The following GALNT13 variants were observed in gnomAD, a reference collection of about 807,000 sequenced individuals.
The protein encoded by GALNT13 is polypeptide N-acetylgalactosaminyltransferase 13.
Under a neutral mutation model 64.2 loss-of-function variants are expected in GALNT13, and 28 were observed. That is an observed-to-expected ratio of 0.44 (90% CI 0.32 to 0.60). The LOEUF is 0.60. Ranked by LOEUF, GALNT13 falls within the 20% of genes least tolerant of loss-of-function variation. The pLI is 0.05. For missense variants in GALNT13, 577 were observed against 669.8 expected (o/e 0.86, Z 1.53); for synonymous variants, 214 against 224.6 (o/e 0.95, Z 0.42).
At chr2:154,025,848 G>C (rs1317155629) in intron 3 of GALNT13, among the ~76,000 whole-genome samples, 4 of 152,044 alleles carry the variant, frequency 2.6e-5, no homozygotes, top group Non-Finnish European at 5.9e-5. Flanking sequence ...TACTTCCTAG[G>C]GGGTAACTGG....
chr2:153,982,373 A>C (rs1304309298), intron 3 of GALNT13, among the ~76,000 whole-genome samples: 1 of 152,136 alleles, frequency 6.6e-6, no homozygotes, highest in Non-Finnish European at 1.5e-5. Context: ...TATAGAGGCT[A>C]TAAATGTATA....
the GALNT13 span, among the ~76,000 whole-genome samples, chr2:153,181,410 C>T: frequency 9.6e-3 from 1,443 of 150,918 alleles, 24 homozygotes; most frequent in African/African-American, 0.032. Context: ...TGTTAAGGCT[C>T]GGCTTGTGGC....
chr2:153,762,293 T>C, the GALNT13 span: 1 of 152,172 alleles, frequency 6.6e-6, no homozygotes, highest in Admixed American at 6.6e-5. Flanking sequence ...TGTTGTACCA[T>C]CACATACATT....
chr2:153,662,409 A>G, the GALNT13 span, among the ~76,000 whole-genome samples: 1 of 152,184 alleles, frequency 6.6e-6, no homozygotes, highest in Non-Finnish European at 1.5e-5. Flanking sequence ...CATTAATCCC[A>G]GTAATCTCCA....
At chr2:153,283,731 C>A in the GALNT13 span, among the ~76,000 whole-genome samples, 3 of 152,150 alleles carry the variant, frequency 2.0e-5, no homozygotes, top group Non-Finnish European at 2.9e-5. Flanking sequence ...TTACCACAGT[C>A]TCTGCATAGG....
chr2:153,074,935 G>A, the GALNT13 span, among the ~76,000 whole-genome samples: 13 of 152,048 alleles, frequency 8.5e-5, no homozygotes, highest in Non-Finnish European at 1.3e-4. Context: ...GTCTAATTTT[G>A]TTGCCCAGCC....
the GALNT13 span, among the ~76,000 whole-genome samples, chr2:153,501,657 C>CCCT: frequency 5.9e-5 from 9 of 152,200 alleles, no homozygotes; most frequent in East Asian, 1.9e-4. Flanking sequence ...CCCAAGGAGT[C>CCCT]CCTGGACATC....
At chr2:154,308,374 A>G (rs1032574807) in intron 9 of GALNT13, among the ~76,000 whole-genome samples, 10 of 152,072 alleles carry the variant, frequency 6.6e-5, no homozygotes, top group African/African-American at 2.4e-4. Flanking sequence ...GCCTATATTC[A>G]TTTCCATCTC....
the GALNT13 span, among the ~76,000 whole-genome samples, chr2:153,193,377 A>C: frequency 2.2e-4 from 33 of 147,850 alleles, no homozygotes; most frequent in South Asian, 6.9e-3. Context: ...ATTCTCACTC[A>C]TAGGTGGGAA....
the GALNT13 span, among the ~76,000 whole-genome samples, chr2:153,698,243 A>T: frequency 6.6e-6 from 1 of 152,208 alleles, no homozygotes; most frequent in African/African-American, 2.4e-5. Context: ...CACACATAAC[A>T]ATATTAACCT....
the GALNT13 span, among the ~76,000 whole-genome samples, chr2:153,096,026 TATA>T: frequency 7.0e-6 from 1 of 143,884 alleles, no homozygotes; most frequent in South Asian, 2.2e-4. Context: ...GAACTTAAAG[TATA>T]ATAAAATAAG....
At chr2:153,087,648 A>T in the GALNT13 span, among the ~76,000 whole-genome samples, 1 of 151,800 alleles carries the variant, frequency 6.6e-6, no homozygotes, top group African/African-American at 2.4e-5. Flanking sequence ...TGCCATTTCA[A>T]TTCATCCTCT....
the GALNT13 span, among the ~76,000 whole-genome samples, chr2:153,450,555 A>C: frequency 6.7e-6 from 1 of 148,546 alleles, no homozygotes; most frequent in Non-Finnish European, 1.5e-5. Context: ...CAGATAATTG[A>C]GTCCTATACC....
chr2:153,383,216 A>G, the GALNT13 span, among the ~76,000 whole-genome samples: 1 of 152,044 alleles, frequency 6.6e-6, no homozygotes, highest in Non-Finnish European at 1.5e-5. Flanking sequence ...TACAGCACAT[A>G]TTACAATAAG....
chr2:153,424,345 G>T, the GALNT13 span, among the ~76,000 whole-genome samples: 1 of 151,528 alleles, frequency 6.6e-6, no homozygotes, highest in Non-Finnish European at 1.5e-5. Context: ...CCCTGAAAAG[G>T]ATGAAAAATC....
chr2:153,831,609 T>TG, the GALNT13 span, among the ~76,000 whole-genome samples: 3 of 152,180 alleles, frequency 2.0e-5, no homozygotes, highest in East Asian at 5.8e-4. Context: ...CTCTTGACTC[T>TG]GTGGGAGGCC....
chr2:153,665,674 C>T, the GALNT13 span, among the ~76,000 whole-genome samples: 5 of 152,028 alleles, frequency 3.3e-5, no homozygotes, highest in African/African-American at 1.2e-4. Context: ...AGCTGGAAGC[C>T]CTGAATGGGG....
the GALNT13 span, among the ~76,000 whole-genome samples, chr2:153,139,677 C>G: frequency 1.3e-5 from 2 of 151,952 alleles, no homozygotes; most frequent in African/African-American, 4.8e-5. Context: ...AATGGCAAGG[C>G]TTCTCAGGAG....
the GALNT13 span, among the ~76,000 whole-genome samples, chr2:153,863,343 C>G: frequency 1.3e-5 from 2 of 152,076 alleles, no homozygotes; most frequent in African/African-American, 4.8e-5. Context: ...CTGACTCACT[C>G]TAACTCTATA....
Sources: gnomAD v4.1 joint callset for allele counts (sites outside exome capture counted in the v4.1 genomes callset) on GRCh38, gnomAD v4.1.1 for gene constraint, MANE v1.5 for transcripts, NCBI Gene and HGNC (gene_info 2026-07-23, HGNC 2026-07-21) for gene names.